The following KCNMA1 variants were observed in gnomAD, a reference collection of about 807,000 sequenced individuals.
KCNMA1 encodes the protein potassium calcium-activated channel subfamily M alpha 1, also known as Calcium-activated potassium channel subunit alpha-1.
Under a neutral mutation model 140.0 loss-of-function variants are expected in KCNMA1, and 29 were observed. The observed-to-expected ratio is 0.21, with a 90% CI of 0.15 to 0.28. KCNMA1 has a LOEUF of 0.28. Among genes scored for constraint, KCNMA1 ranks in the 10% least tolerant of loss-of-function variants. KCNMA1 has a pLI of 1.00. For missense variants in KCNMA1, 880 were observed against 1,602.2 expected (o/e 0.55, Z 7.70); for synonymous variants, 612 against 611.9 (o/e 1.00, Z 0.00).
chr10:76,916,873 A>T (rs1303594137), intron 23 of KCNMA1, among the ~76,000 whole-genome samples: 1 of 152,224 alleles, frequency 6.6e-6, no homozygotes, highest in Admixed American at 6.5e-5. Flanking sequence ...TCTCCCGTGT[A>T]TACATTTCTT....
At chr10:77,291,358 A>G (rs1012646054) in intron 2 of KCNMA1, among the ~76,000 whole-genome samples, 1 of 152,144 alleles carries the variant, frequency 6.6e-6, no homozygotes, top group Non-Finnish European at 1.5e-5. Flanking sequence ...TCAAAATTCA[A>G]CTCTCATGCA....
chr10:77,366,583 T>C (rs1381329762), intron 2 of KCNMA1, among the ~76,000 whole-genome samples: 2 of 152,166 alleles, frequency 1.3e-5, no homozygotes, highest in African/African-American at 4.8e-5. Context: ...ATGAGGGTGG[T>C]GTTGGTGATG....
chr10:77,372,201 T>A (rs977849240), intron 2 of KCNMA1, among the ~76,000 whole-genome samples: 1 of 152,140 alleles, frequency 6.6e-6, no homozygotes, highest in Non-Finnish European at 1.5e-5. Context: ...CCACTTCCCT[T>A]GTTCCCCTCT....
intron 3 of KCNMA1, chr10:77,250,878 C>T (rs1455301390): frequency 3.0e-6 from 1 of 335,466 alleles, no homozygotes; most frequent in East Asian, 6.5e-5. Context: ...AAATTCCCAT[C>T]AAGTCATCTT....
At chr10:77,146,932 T>A (rs1461644120) in intron 5 of KCNMA1, among the ~76,000 whole-genome samples, 2 of 152,096 alleles carry the variant, frequency 1.3e-5, no homozygotes, top group Admixed American at 6.5e-5. Context: ...ACATTTCCTT[T>A]TCAGAGTCAT....
chr10:77,604,546 A>C lies in KCNMA1; in HGVS notation c.378+32719T>G, dbSNP rs374179753. On this transcript the variant is annotated intron_variant, in intron 1 of 27. Transcript: ENST00000286628. The stretch of plus-strand genomic sequence containing the variant: ...AGAATGAGACCTCATTTCTACCCCC[A>C]AAAAATTTACTTAATTAAAAAAAAT... Among the ~76,000 whole-genome samples, 262 of 122,852 alleles carry C rather than the reference A, an allele frequency of 2.1e-3. 1 individual carries two copies. The highest frequency in any genetic ancestry group is 7.6e-3 in the African/African-American group (237 of 31,060). The allele number at this position is 122,852 out of a possible 152,430, so 80.6% of individuals were successfully genotyped here. A position where few individuals can be genotyped will look rare whatever the true frequency, so the allele number is the denominator to read the frequency against.
chr10:77,267,077 G>T (rs116229925), intron 2 of KCNMA1, among the ~76,000 whole-genome samples: 2,223 of 152,278 alleles, frequency 0.015, 55 homozygotes, highest in African/African-American at 0.051. Context: ...GAGTCTAGGG[G>T]TGTTCCATGG....
At chr10:76,911,797 T>C (rs1399696911) in intron 24 of KCNMA1, 1 of 152,220 alleles carries the variant, frequency 6.6e-6, no homozygotes, top group Non-Finnish European at 1.5e-5. Context: ...CAAAGGGATG[T>C]TGTAGGCCAC....
chr10:77,211,246 A>T (rs2045968370), intron 3 of KCNMA1, among the ~76,000 whole-genome samples: 1 of 152,134 alleles, frequency 6.6e-6, no homozygotes, highest in African/African-American at 2.4e-5. Flanking sequence ...GTATTGGTAA[A>T]AAAAACAGAC....
chr10:77,328,851 G>GT (rs552151946), intron 2 of KCNMA1, among the ~76,000 whole-genome samples: 8 of 151,866 alleles, frequency 5.3e-5, no homozygotes, highest in African/African-American at 9.7e-5. Flanking sequence ...GTTTTATTTT[G>GT]TTTTTTTAAG....
intron 3 of KCNMA1, among the ~76,000 whole-genome samples, chr10:77,207,297 T>C (rs377317556): frequency 6.6e-6 from 1 of 152,180 alleles, no homozygotes; most frequent in African/African-American, 2.4e-5. Context: ...TCTATAGATA[T>C]TGGAATATAA....
intron 1 of KCNMA1, among the ~76,000 whole-genome samples, chr10:77,409,258 A>G (rs2096566449): frequency 1.3e-5 from 2 of 152,184 alleles, no homozygotes; most frequent in Non-Finnish European, 2.9e-5. Flanking sequence ...GCTGAATCAC[A>G]AGATCAAAGA....
At position 77,637,399 on chromosome 10, in the gene KCNMA1, G is replaced by A; in HGVS notation, c.244C>T (p.Arg82Trp). ...AAAGCCCACCACATGCGTTGGCCCC[G>A]GCTGTCGCACGGCACCTCCATGGTC... ...PVTMEVPCDS[R>W]GQRMWWAFLA... Residue 82 changes from arginine (R) to tryptophan (W), a missense_variant, in exon 1 of 28, where the codon CGG (arginine) becomes TGG (tryptophan). Around this residue, in one of 13 missense-constraint regions of KCNMA1, gnomAD observed 31 missense variants for 75.0 expected, o/e 0.41. Transcript: ENST00000286628. The A allele has an allele frequency of 6.2e-7, 1 of 1,613,880 alleles. No homozygotes were observed. The highest frequency in any genetic ancestry group is 8.5e-7 in the Non-Finnish European group (1 of 1,179,938).
At chr10:77,117,301 C>A (rs1596314064) in intron 6 of KCNMA1, among the ~76,000 whole-genome samples, 1 of 151,946 alleles carries the variant, frequency 6.6e-6, no homozygotes, top group East Asian at 1.9e-4. Context: ...GTAATCCCAG[C>A]ACTTTGGGAG....
chr10:77,478,141 T>G (rs906207863), intron 1 of KCNMA1, among the ~76,000 whole-genome samples: 1 of 152,206 alleles, frequency 6.6e-6, no homozygotes, highest in African/African-American at 2.4e-5. Flanking sequence ...ATTCTTGCCA[T>G]TTTTCTAATA....
chr10:77,418,000 C>A (rs2096780693), intron 1 of KCNMA1, among the ~76,000 whole-genome samples: 1 of 152,310 alleles, frequency 6.6e-6, no homozygotes, highest in African/African-American at 2.4e-5. Context: ...TCTGACCTCA[C>A]CCCTTGGAAG....
intron 3 of KCNMA1, among the ~76,000 whole-genome samples, chr10:77,200,643 A>G (rs983544022): frequency 5.0e-5 from 4 of 80,634 alleles, no homozygotes; most frequent in Non-Finnish European, 9.4e-5. Context: ...AATCTTCTGG[A>G]AAAAAAAAAA....
At chr10:76,952,096 C>G in intron 21 of KCNMA1, 1 of 1,552,236 alleles carries the variant, frequency 6.4e-7, no homozygotes, top group Non-Finnish European at 8.7e-7. Flanking sequence ...GGCATGCATA[C>G]TACACCAATA....
chr10:77,578,309 C>G (rs1235423852), intron 1 of KCNMA1, among the ~76,000 whole-genome samples: 1 of 152,190 alleles, frequency 6.6e-6, no homozygotes, highest in Admixed American at 6.5e-5. Flanking sequence ...CCGGCTGTGC[C>G]GCTGATCAGC....
Sources: allele counts gnomAD v4.1 joint callset (sites outside exome capture counted in the v4.1 genomes callset), GRCh38; gene constraint gnomAD v4.1.1; regional missense constraint gnomAD v4.1.1; transcripts MANE v1.5; gene names NCBI Gene and HGNC (gene_info 2026-07-23, HGNC 2026-07-21).